Variants in CREB3L2 observed in about 807,000 individuals in gnomAD.
CREB3L2 encodes cAMP responsive element binding protein 3 like 2.
In CREB3L2, 23 loss-of-function variants were observed where a neutral mutation model predicts 57.2. The observed-to-expected ratio is 0.40, with a 90% CI of 0.29 to 0.57. The LOEUF (loss-of-function observed/expected upper bound fraction) is 0.57, where lower values mean the gene tolerates loss of function less well. Ranked by LOEUF, CREB3L2 falls within the 20% of genes least tolerant of loss-of-function variation. CREB3L2 has a pLI of 0.42. For synonymous variants in CREB3L2, 268 were observed against 265.1 expected (o/e 1.01, Z -0.11); for missense variants, 628 against 634.7 (o/e 0.99, Z 0.11).
intron 1 of CREB3L2, among the ~76,000 whole-genome samples, chr7:137,970,985 A>G (rs1373370410): frequency 6.6e-6 from 1 of 152,184 alleles, no homozygotes; most frequent in Non-Finnish European, 1.5e-5. Context: ...GAATATCCAT[A>G]TTTTTAAAAA....
chr7:137,995,928 C>G (rs1355795921), intron 1 of CREB3L2, among the ~76,000 whole-genome samples: 4 of 152,196 alleles, frequency 2.6e-5, no homozygotes, highest in African/African-American at 9.7e-5. Context: ...ATGTTACTAT[C>G]ATGAGAACAA....
At chr7:137,960,503 T>C (rs1041824784) in intron 1 of CREB3L2, among the ~76,000 whole-genome samples, 1 of 152,156 alleles carries the variant, frequency 6.6e-6, no homozygotes, top group African/African-American at 2.4e-5. Flanking sequence ...ATTAGTGATT[T>C]TGTCCAAAGC....
At chr7:137,954,159 G>A (rs1006753166) in intron 1 of CREB3L2, among the ~76,000 whole-genome samples, 24 of 152,204 alleles carry the variant, frequency 1.6e-4, no homozygotes, top group African/African-American at 5.1e-4. Flanking sequence ...TCCTGTCTAC[G>A]CATGAGGGAT....
At chr7:137,907,647 A>T (rs1022398210) in intron 5 of CREB3L2, among the ~76,000 whole-genome samples, 1 of 152,240 alleles carries the variant, frequency 6.6e-6, no homozygotes, top group African/African-American at 2.4e-5. Flanking sequence ...TTAAAATTTC[A>T]TAGAAATCAA....
At chr7:137,984,679 C>A (rs987277629) in intron 1 of CREB3L2, among the ~76,000 whole-genome samples, 2 of 152,208 alleles carry the variant, frequency 1.3e-5, no homozygotes, top group Non-Finnish European at 2.9e-5. Flanking sequence ...GTTGCTCCTG[C>A]AGCTTTTTGT....
At chr7:137,963,884 A>G (rs1801364739) in intron 1 of CREB3L2, among the ~76,000 whole-genome samples, 1 of 152,212 alleles carries the variant, frequency 6.6e-6, no homozygotes, top group Admixed American at 6.5e-5. Context: ...AGTATTTGAC[A>G]TATCTGTTGA....
intron 1 of CREB3L2, among the ~76,000 whole-genome samples, chr7:137,960,518 C>T (rs1801300105): frequency 6.6e-6 from 1 of 152,072 alleles, no homozygotes; most frequent in South Asian, 2.1e-4. Flanking sequence ...CAAAGCCTTT[C>T]CAAGGCTTAG....
chr7:137,912,858 A>G (rs1475073386), intron 4 of CREB3L2, 133 bp downstream of exon 4: 1 of 1,539,744 alleles, frequency 6.5e-7, no homozygotes, highest in East Asian at 2.4e-5. Context: ...ATTTTTTAAG[A>G]ACAGAGCTAT....
At chr7:137,905,874 G>GT in intron 5 of CREB3L2, 26 bp from the exon 6 acceptor site, 1 of 1,566,006 alleles carries the variant, frequency 6.4e-7, no homozygotes, top group East Asian at 2.3e-5. Context: ...AGCAGAAAAG[G>GT]GTCAAAGAAA....
At chr7:137,922,438 G>GTATA (rs777359777) in intron 2 of CREB3L2, among the ~76,000 whole-genome samples, 11 of 9,962 alleles carry the variant, frequency 1.1e-3, no homozygotes, top group Non-Finnish European at 1.3e-3. Flanking sequence ...ATATATATAC[G>GTATA]TATATATATA....
chr7:137,972,708 A>ACAAAAAAAAACAAAC (rs1554503522), intron 1 of CREB3L2, among the ~76,000 whole-genome samples: 1 of 42,860 alleles, frequency 2.3e-5, no homozygotes, highest in African/African-American at 1.2e-4. Context: ...AAAAAAAAAA[A>ACAAAAAAAAACAAAC]AAAAATATAT....
At chr7:137,947,109 T>C (rs1801011879) in intron 1 of CREB3L2, among the ~76,000 whole-genome samples, 1 of 148,816 alleles carries the variant, frequency 6.7e-6, no homozygotes. Flanking sequence ...TCTCGCTCTC[T>C]CTCTTCCCTC....
chr7:137,948,303 G>A (rs1427579404), intron 1 of CREB3L2, among the ~76,000 whole-genome samples: 1 of 152,232 alleles, frequency 6.6e-6, no homozygotes, highest in Non-Finnish European at 1.5e-5. Flanking sequence ...CATTACTGAA[G>A]CTGGTATTAC....
At chr7:137,893,013 C>G (rs1245517996) in intron 8 of CREB3L2, among the ~76,000 whole-genome samples, 1 of 151,918 alleles carries the variant, frequency 6.6e-6, no homozygotes, top group African/African-American at 2.4e-5. Flanking sequence ...GAGTAAATAC[C>G]TATATGTTTA....
chr7:137,963,879 T>G (rs1237280431), intron 1 of CREB3L2, among the ~76,000 whole-genome samples: 1 of 152,236 alleles, frequency 6.6e-6, no homozygotes, highest in Non-Finnish European at 1.5e-5. Flanking sequence ...AGGATAGTAT[T>G]TGACATATCT....
At chr7:137,987,525 C>A (rs903682663) in intron 1 of CREB3L2, among the ~76,000 whole-genome samples, 4 of 152,216 alleles carry the variant, frequency 2.6e-5, no homozygotes, top group African/African-American at 9.7e-5. Flanking sequence ...AAATCAAAAG[C>A]TGCCACAGGT....
chr7:137,979,399 C>T (rs1041364244), intron 1 of CREB3L2, among the ~76,000 whole-genome samples: 8 of 152,296 alleles, frequency 5.3e-5, no homozygotes, highest in African/African-American at 1.9e-4. Flanking sequence ...AAAGCACAGG[C>T]TGCAACTGGT....
intron 1 of CREB3L2, among the ~76,000 whole-genome samples, chr7:137,945,224 A>G (rs1800950666): frequency 6.6e-6 from 1 of 152,252 alleles, no homozygotes; most frequent in Non-Finnish European, 1.5e-5. Flanking sequence ...GAAAGTAGAA[A>G]TTATCTATAA....
At chr7:137,958,130 C>T (rs1174619668) in intron 1 of CREB3L2, among the ~76,000 whole-genome samples, 1 of 152,160 alleles carries the variant, frequency 6.6e-6, no homozygotes, top group Non-Finnish European at 1.5e-5. Context: ...GGTCAGTCCT[C>T]AGTGGGAAGA....
Sources: allele counts gnomAD v4.1 joint callset (sites outside exome capture counted in the v4.1 genomes callset), GRCh38; gene constraint gnomAD v4.1.1; transcripts MANE v1.5; gene names NCBI Gene and HGNC (gene_info 2026-07-23, HGNC 2026-07-21).